CDHR3: variants seen among roughly 807,000 people sequenced by gnomAD.
The protein encoded by CDHR3 is cadherin-related family member 3.
A neutral mutation model predicts 86.6 loss-of-function variants in CDHR3; 79 were observed. That is an observed-to-expected ratio of 0.91 (90% CI 0.76 to 1.10). CDHR3 has a LOEUF of 1.10. Ranked by LOEUF, CDHR3 falls within the 50% of genes least tolerant of loss-of-function variation. The pLI is 0.00. For missense variants in CDHR3, 1,081 were observed against 1,077.6 expected, an observed-to-expected ratio of 1.00 and a Z score of -0.04; for synonymous variants, 421 against 402.4, an observed-to-expected ratio of 1.05 and a Z score of -0.55.
Position 106,034,252 on chromosome 7 carries a change from G to A in CDHR3, c.*1555G>A, listed in dbSNP as rs578069109. On this transcript the variant is annotated 3_prime_UTR_variant, in exon 19 of 19. Transcript: ENST00000317716. ...TGTGTGCCTAGCAGAGCCTGAGCAA[G>A]CTTCACTCGAGCTCTATGCCCTGCT... is the stretch of plus-strand genomic sequence containing the variant. Among the ~76,000 whole-genome samples, 2 of 152,342 alleles carry A rather than the reference G, an allele frequency of 1.3e-5. No individual in the cohort carries two copies. The highest frequency in any genetic ancestry group is 2.1e-4 in the South Asian group (1 of 4,828).
At chr7:105,970,769 G>C (rs189907548) in intron 1 of CDHR3, among the ~76,000 whole-genome samples, 33 of 152,148 alleles carry the variant, frequency 2.2e-4, no homozygotes, top group Admixed American at 2.6e-4. Context: ...TATTATCCTT[G>C]CTATTGCTAT....
intron 1 of CDHR3, among the ~76,000 whole-genome samples, chr7:105,972,126 A>G (rs1828073809): frequency 6.6e-6 from 1 of 152,092 alleles, no homozygotes; most frequent in African/African-American, 2.4e-5. Flanking sequence ...TGCAATGGTG[A>G]CAGCAGTATA....
At chr7:106,017,584 C>CAT in intron 11 of CDHR3, among the ~76,000 whole-genome samples, 1 of 151,482 alleles carries the variant, frequency 6.6e-6, no homozygotes, top group Non-Finnish European at 1.5e-5. Context: ...CACACACACA[C>CAT]ACACACACAC....
At chr7:106,021,222 T>G (rs185719239) in intron 13 of CDHR3, among the ~76,000 whole-genome samples, 243 of 152,226 alleles carry the variant, frequency 1.6e-3, no homozygotes, top group African/African-American at 5.6e-3. Flanking sequence ...TCTAATGAAG[T>G]GCTGGGGCCA....
chr7:106,031,431 G>A (rs1291898239), intron 18 of CDHR3, among the ~76,000 whole-genome samples: 1 of 152,152 alleles, frequency 6.6e-6, no homozygotes, highest in Non-Finnish European at 1.5e-5. Flanking sequence ...TGCTTACAAA[G>A]GCTCAATTAT....
At chr7:105,983,486 T>C (rs1221946389) in intron 3 of CDHR3, among the ~76,000 whole-genome samples, 1 of 152,198 alleles carries the variant, frequency 6.6e-6, no homozygotes, top group Non-Finnish European at 1.5e-5. Context: ...ATAGAAAATG[T>C]ATGTTAAGTC....
intron 8 of CDHR3, among the ~76,000 whole-genome samples, chr7:106,007,381 G>T (rs575335725): frequency 3.3e-5 from 5 of 152,100 alleles, no homozygotes; most frequent in South Asian, 2.1e-4. Context: ...CCTTTCTATC[G>T]CATTGTCAGG....
Position 105,963,305 on chromosome 7 carries a change from T to A in CDHR3, c.-14T>A. On this transcript the variant is annotated 5_prime_UTR_variant, in exon 1 of 19. It introduces an in-frame stop codon into an upstream open reading frame of the 5' UTR. Transcript: ENST00000317716. The stretch of plus-strand genomic sequence containing the variant: ...CTAATGTGCTGGAAGCACGCACAGT[T>A]GTGACCATCAAGTATGCAGGAAGCA... The A allele has an allele frequency of 6.2e-7, 1 of 1,613,922 alleles. No individual in the cohort carries two copies. The highest frequency in any genetic ancestry group is 8.5e-7 in the Non-Finnish European group (1 of 1,179,786).
At chr7:105,987,082 A>G (rs1261460932) in intron 4 of CDHR3, among the ~76,000 whole-genome samples, 2 of 152,218 alleles carry the variant, frequency 1.3e-5, no homozygotes, top group African/African-American at 4.8e-5. Flanking sequence ...AATTATGCAG[A>G]CAGAATAAGG....
chr7:106,025,824 G>A (rs3823743), intron 15 of CDHR3, among the ~76,000 whole-genome samples: 6,249 of 152,116 alleles, frequency 0.041, 173 homozygotes, highest in South Asian at 0.13. Flanking sequence ...AGCATCTGCT[G>A]AAATTAAAAA....
At chr7:105,964,065 G>A (rs996253943) in intron 1 of CDHR3, among the ~76,000 whole-genome samples, 1 of 152,124 alleles carries the variant, frequency 6.6e-6, no homozygotes, top group African/African-American at 2.4e-5. Context: ...AAAATACTTA[G>A]AAGAGTGTCT....
intron 1 of CDHR3, among the ~76,000 whole-genome samples, chr7:105,972,290 A>G (rs2727757): frequency 0.27 from 41,571 of 151,980 alleles, 6,228 homozygotes; most frequent in East Asian, 0.67. Context: ...GATAAATGAA[A>G]TGGGTACTTA....
At chr7:106,028,402 G>T in intron 16 of CDHR3, 149 bp from the exon 17 acceptor site, 1 of 860,960 alleles carries the variant, frequency 1.2e-6, no homozygotes, top group African/African-American at 1.7e-5. Context: ...AAGTTGTCAA[G>T]AAACATATCT....
At chr7:105,994,666 TA>T in intron 4 of CDHR3, 84 bp from the exon 5 acceptor site, 1 of 932,024 alleles carries the variant, frequency 1.1e-6, no homozygotes. Context: ...GCTAAGAACA[TA>T]AAATAGGAAA....
Position 105,974,965 on chromosome 7 carries a change from C to T in CDHR3, c.168C>T (p.Ile56=). 1.9e-6 allele frequency: 3 copies of T among 1,613,894 alleles called. No homozygotes were observed. The highest frequency in any genetic ancestry group is 2.5e-6 in the Non-Finnish European group (3 of 1,179,802). The change falls in exon 2 of 19, where the codon ATC becomes ATT. Residue 56 remains isoleucine (I), a synonymous_variant. Transcript: ENST00000317716. ...TATCAGCATCATTGTCACCTGTGAT[C>T]CCAGGATTTCCCCAGATAGTCAACT... ...VKLSASLSPV[I]PGFPQIVNSN... is the part of the protein sequence containing the mutation.
chr7:106,019,740 C>T (rs1330224201), intron 12 of CDHR3, among the ~76,000 whole-genome samples: 1 of 152,172 alleles, frequency 6.6e-6, no homozygotes, highest in Non-Finnish European at 1.5e-5. Context: ...GATGAGATCC[C>T]AGCTTAACCA....
At chr7:106,023,710 C>T (rs1035493027) in intron 14 of CDHR3, among the ~76,000 whole-genome samples, 1 of 152,208 alleles carries the variant, frequency 6.6e-6, no homozygotes, top group Non-Finnish European at 1.5e-5. Flanking sequence ...GCTTCTCTCT[C>T]CCATGCTCGA....
chr7:106,026,759 AG>A, intron 16 of CDHR3, 64 bp downstream of exon 16: 1 of 1,553,966 alleles, frequency 6.4e-7, no homozygotes, highest in Non-Finnish European at 8.9e-7. Context: ...CTACGTAAAA[AG>A]GTTCCTACTC....
At chr7:105,993,747 C>G (rs1472306739) in intron 4 of CDHR3, among the ~76,000 whole-genome samples, 1 of 150,140 alleles carries the variant, frequency 6.7e-6, no homozygotes, top group Non-Finnish European at 1.5e-5. Context: ...TCTTCTGATC[C>G]AGGCTCTTCC....
Sources: allele counts gnomAD v4.1 joint callset (sites outside exome capture counted in the v4.1 genomes callset), GRCh38; gene constraint gnomAD v4.1.1; transcripts MANE v1.5; gene names NCBI Gene and HGNC (gene_info 2026-07-23, HGNC 2026-07-21).